The following MYCBP2 variants were observed in gnomAD, a reference collection of about 807,000 sequenced individuals.
The protein encoded by MYCBP2 is E3 ubiquitin-protein ligase MYCBP2.
MYCBP2 carries 120 observed loss-of-function variants against 525.3 expected under a neutral mutation model. The ratio of observed to expected loss-of-function variants is 0.23; its 90% CI spans 0.20 to 0.27. The LOEUF (loss-of-function observed/expected upper bound fraction) is 0.27, where lower values mean the gene tolerates loss of function less well. Ranked by LOEUF, MYCBP2 falls within the 10% of genes least tolerant of loss-of-function variation. MYCBP2 has a pLI of 1.00. For synonymous variants in MYCBP2, 1,894 were observed against 1,955.8 expected (o/e 0.97, Z 0.83); for missense variants, 4,149 against 5,657.1 (o/e 0.73, Z 8.55).
intron 17 of MYCBP2, among the ~76,000 whole-genome samples, chr13:77,238,341 T>A (rs1253810172): frequency 6.7e-6 from 1 of 149,252 alleles, no homozygotes; most frequent in African/African-American, 2.5e-5. Context: ...CATCTACAGC[T>A]CACAATTATG....
chr13:77,295,238 A>G (rs190836472), intron 2 of MYCBP2, among the ~76,000 whole-genome samples: 1 of 152,272 alleles, frequency 6.6e-6, no homozygotes, highest in East Asian at 1.9e-4. Context: ...GGGTTCAAGC[A>G]ATCTCCTGCC....
rs575012315 is a variant in MYCBP2, at chr13:77,309,632, T to C, written c.303-12958A>G. On this transcript the variant is annotated intron_variant, in intron 1 of 82. Coordinates refer to ENST00000544440, the MANE Select transcript of MYCBP2 (RefSeq NM_015057.5). Reference sequence around the variant, plus strand: ...ATCTAGTCACCTGCTAAATATATCATTAAATCCACTTTATTCCATCTATTC... The same window carrying C: ...ATCTAGTCACCTGCTAAATATATCACTAAATCCACTTTATTCCATCTATTC... Among the ~76,000 whole-genome samples, 24 of 152,310 alleles carry C rather than the reference T, an allele frequency of 1.6e-4. No individual in the cohort carries two copies. The South Asian group carries it at 3.9e-3, about 25-fold the overall frequency.
At chr13:77,198,321 C>T (rs962037438) in intron 26 of MYCBP2, among the ~76,000 whole-genome samples, 6 of 152,188 alleles carry the variant, frequency 3.9e-5, no homozygotes, top group Non-Finnish European at 7.3e-5. Flanking sequence ...AGCATGTATT[C>T]CAACTATAAC....
chr13:77,276,104 C>T (rs1373890443), intron 4 of MYCBP2, among the ~76,000 whole-genome samples: 6 of 152,198 alleles, frequency 3.9e-5, no homozygotes, highest in Non-Finnish European at 5.9e-5. Context: ...GCAATAGTAT[C>T]GCACATTCTT....
At position 77,081,815 on chromosome 13, in the gene MYCBP2, G is replaced by T; in HGVS notation, c.11193+22C>A. ...TATTATTAACTAACAGGACAACCAGGATAATAACTGAAATGACTGACCTGA... is the reference window on the plus strand; with the variant it reads ...TATTATTAACTAACAGGACAACCAGTATAATAACTGAAATGACTGACCTGA... On this transcript the variant is annotated intron_variant, in intron 64 of 82. Transcript: ENST00000544440. The surrounding 1 kb of genome is among the most constrained non-coding windows in gnomAD (Gnocchi z 4.6). The T allele has an allele frequency of 6.2e-7, 1 of 1,603,394 alleles. No homozygotes were observed. The highest frequency in any genetic ancestry group is 8.5e-7 in the Non-Finnish European group (1 of 1,175,032).
At chr13:77,299,140 C>T (rs1456558742) in intron 1 of MYCBP2, among the ~76,000 whole-genome samples, 9 of 152,032 alleles carry the variant, frequency 5.9e-5, no homozygotes, top group Admixed American at 4.6e-4. Context: ...AAATTTATTC[C>T]AAACCAATTT....
At position 77,228,498 on chromosome 13, in the gene MYCBP2, C is replaced by G. The variant is rs144362722; in HGVS notation, c.2738-2944G>C. On this transcript the variant is annotated intron_variant, in intron 18 of 82. Transcript: ENST00000544440. ...CTCCAGCCTAGGTGATAGAGTGAGA[C>G]CCTGTCTCAAAAAAAAAAAAAAAAT... 1.7e-3 allele frequency among the ~76,000 whole-genome samples: 251 copies of G among 148,084 alleles called. 5 individuals are homozygous for G. In the East Asian group the frequency reaches 0.039, roughly 23 times the overall value.
At chr13:77,305,407 CATT>C (rs1238098091) in intron 1 of MYCBP2, among the ~76,000 whole-genome samples, 1 of 151,984 alleles carries the variant, frequency 6.6e-6, no homozygotes, top group Non-Finnish European at 1.5e-5. Flanking sequence ...ACCTTGAAAA[CATT>C]ATGCTAAGTG....
chr13:77,294,113 T>TATATAC (rs2077823770), intron 2 of MYCBP2, among the ~76,000 whole-genome samples: 2 of 52,888 alleles, frequency 3.8e-5, no homozygotes, highest in Non-Finnish European at 9.3e-5. Context: ...GCTATATATA[T>TATATAC]ATATATATAT....
intron 8 of MYCBP2, among the ~76,000 whole-genome samples, chr13:77,264,913 C>G (rs1488726403): frequency 6.6e-6 from 1 of 151,798 alleles, no homozygotes; most frequent in Non-Finnish European, 1.5e-5. Context: ...CTGCAGAAAA[C>G]TAGGATGAAT....
chr13:77,191,606 C>T, intron 28 of MYCBP2, 73 bp downstream of exon 28: 1 of 1,527,646 alleles, frequency 6.5e-7, no homozygotes, highest in Non-Finnish European at 8.9e-7. Flanking sequence ...GCTGAAAGTA[C>T]TCTGAATTTT....
At chr13:77,272,240 G>A (rs1055908179) in intron 5 of MYCBP2, 7 of 152,042 alleles carry the variant, frequency 4.6e-5, no homozygotes, top group Admixed American at 3.3e-4. Flanking sequence ...CTTAGCATGT[G>A]GATACCTAGA....
At chr13:77,128,068 A>G (rs2052014300) in intron 52 of MYCBP2, among the ~76,000 whole-genome samples, 1 of 151,906 alleles carries the variant, frequency 6.6e-6, no homozygotes, top group Admixed American at 6.6e-5. Context: ...AAATAAATGT[A>G]AAATACGCAT....
intron 1 of MYCBP2, among the ~76,000 whole-genome samples, chr13:77,307,269 C>T (rs1028444793): frequency 7.2e-5 from 11 of 152,120 alleles, no homozygotes; most frequent in Non-Finnish European, 5.9e-5. Context: ...TGAGATTTTG[C>T]TCAACCATAC....
intron 13 of MYCBP2, among the ~76,000 whole-genome samples, chr13:77,259,021 G>C (rs1231970766): frequency 6.6e-6 from 1 of 152,174 alleles, no homozygotes; most frequent in Non-Finnish European, 1.5e-5. Context: ...TGAGGAGGCT[G>C]AGGCGAGTGT....
chr13:77,109,002 T>C (rs2048329490), intron 55 of MYCBP2, among the ~76,000 whole-genome samples: 1 of 152,168 alleles, frequency 6.6e-6, no homozygotes, highest in Admixed American at 6.6e-5. Flanking sequence ...CAGGATAAGA[T>C]ACTTTTAAAG....
intron 52 of MYCBP2, among the ~76,000 whole-genome samples, chr13:77,135,042 T>C (rs192737929): frequency 2.0e-5 from 3 of 152,330 alleles, no homozygotes; most frequent in Admixed American, 2.0e-4. Flanking sequence ...TCTGCCCCCA[T>C]TCCTCTCTCT....
chr13:77,082,768 C>A (rs1431349491), intron 63 of MYCBP2, among the ~76,000 whole-genome samples: 1 of 151,964 alleles, frequency 6.6e-6, no homozygotes, highest in Admixed American at 6.6e-5. Flanking sequence ...AGGTAGGAGA[C>A]TGGGGAAAGT....
At chr13:77,282,521 G>A (rs2076303695) in intron 3 of MYCBP2, among the ~76,000 whole-genome samples, 1 of 151,924 alleles carries the variant, frequency 6.6e-6, no homozygotes, top group Middle Eastern at 3.2e-3. Context: ...CACACTCAGA[G>A]GAAGAGAACT....
Sources: allele counts gnomAD v4.1 joint callset (sites outside exome capture counted in the v4.1 genomes callset), GRCh38; gene constraint gnomAD v4.1.1; non-coding constraint Gnocchi (gnomAD v3.1); transcripts MANE v1.5; gene names NCBI Gene and HGNC (gene_info 2026-07-23, HGNC 2026-07-21).